The following GIGYF2 variants were observed in gnomAD, a reference collection of about 807,000 sequenced individuals.
GIGYF2 encodes GRB10-interacting GYF protein 2.
In GIGYF2, 25 loss-of-function variants were observed where a neutral mutation model predicts 208.1. The ratio of observed to expected loss-of-function variants is 0.12; its 90% CI spans 0.09 to 0.17. The LOEUF (loss-of-function observed/expected upper bound fraction) is 0.17, where lower values mean the gene tolerates loss of function less well. Ranked by LOEUF, GIGYF2 falls within the 10% of genes least tolerant of loss-of-function variation. The pLI, the probability that GIGYF2 is intolerant of heterozygous loss-of-function variation, is 1.00. For missense variants in GIGYF2, 1,302 were observed against 1,579.4 expected (o/e 0.82, Z 2.98); for synonymous variants, 534 against 543.8 (o/e 0.98, Z 0.25).
chr2:232,783,882 T>G (rs369262093), intron 8 of GIGYF2, among the ~76,000 whole-genome samples: 71 of 152,192 alleles, frequency 4.7e-4, no homozygotes, highest in African/African-American at 1.6e-3. Context: ...GAGACGGGGT[T>G]TCTCCATGTT....
At chr2:232,768,019 G>T in intron 8 of GIGYF2, 1 of 641,766 alleles carries the variant, frequency 1.6e-6, no homozygotes, top group Non-Finnish European at 2.7e-6. Flanking sequence ...AGAGTGTTAT[G>T]TTTCCAGAAT....
At position 232,841,376 on chromosome 2, in the gene GIGYF2, G is replaced by A. The variant is rs371943675; in HGVS notation, c.2889+1405G>A. ...AGTGGCGCGATCTCGGCTCACTGCAGCCTCCACCTCCTGAGTTCAAGTGAT... is the reference window on the plus strand; with the variant it reads ...AGTGGCGCGATCTCGGCTCACTGCAACCTCCACCTCCTGAGTTCAAGTGAT... On this transcript the variant is annotated intron_variant, in intron 23 of 28. Transcript: ENST00000373563. Among the ~76,000 whole-genome samples, 11 of 151,838 alleles carry A rather than the reference G, an allele frequency of 7.2e-5. 1 individual carries two copies. The highest frequency in any genetic ancestry group is 2.7e-4 in the African/African-American group (11 of 41,404).
chr2:232,749,801 A>C (rs1031788887), intron 5 of GIGYF2, among the ~76,000 whole-genome samples: 2 of 152,180 alleles, frequency 1.3e-5, no homozygotes, highest in African/African-American at 4.8e-5. Context: ...AAGTAATAAA[A>C]ATCTTTTCAA....
chr2:232,734,690 G>A (rs1345089819), intron 2 of GIGYF2, among the ~76,000 whole-genome samples: 8 of 152,190 alleles, frequency 5.3e-5, no homozygotes, highest in Non-Finnish European at 1.2e-4. Context: ...GGTGAGGAGA[G>A]TTGTGGCAGA....
chr2:232,830,443 TA>T (rs1701395558), intron 21 of GIGYF2, among the ~76,000 whole-genome samples: 2 of 152,154 alleles, frequency 1.3e-5, no homozygotes. Context: ...ATTTTTTTTT[TA>T]TTGGTAGACT....
At chr2:232,838,811 A>AC (rs1205643268) in intron 22 of GIGYF2, among the ~76,000 whole-genome samples, 1 of 150,528 alleles carries the variant, frequency 6.6e-6, no homozygotes, top group African/African-American at 2.5e-5. Flanking sequence ...TTCCCTCTGC[A>AC]CCCCTCCCCC....
chr2:232,796,142 A>C lies in GIGYF2; in HGVS notation c.1560A>C (p.Arg520Ser). The change falls in exon 14 of 29, where the codon AGA (arginine) becomes AGC (serine). Residue 520 changes from arginine to serine, a missense_variant. Around this residue, in one of 8 missense-constraint regions of GIGYF2, gnomAD observed 69 missense variants for 132.8 expected, o/e 0.52. Coordinates refer to ENST00000373563, the MANE Select transcript of GIGYF2 (RefSeq NM_001103146.3). ...ERLASKLQEH[R>S]AKGVSIPLMH... ...TGGCATCAAAACTGCAAGAGCACAG[A>C]GCTAAAGGAGTGTCGATTCCATTGA... The C allele has an allele frequency of 6.3e-7, 1 of 1,599,248 alleles. No individual in the cohort carries two copies. Among genetic ancestry groups the C allele is most frequent in the Non-Finnish European group, 8.6e-7 (1 of 1,166,480 alleles).
chr2:232,726,752 G>A (rs143765787), intron 2 of GIGYF2, among the ~76,000 whole-genome samples: 1,869 of 152,210 alleles, frequency 0.012, 22 homozygotes, highest in Non-Finnish European at 0.017. Flanking sequence ...GATCTTGCCC[G>A]CTCCATACCT....
intron 14 of GIGYF2, among the ~76,000 whole-genome samples, chr2:232,800,211 T>TTA (rs1700354818): frequency 6.6e-6 from 1 of 152,154 alleles, no homozygotes; most frequent in Non-Finnish European, 1.5e-5. Flanking sequence ...GTATCCAATG[T>TTA]TATATAAAGC....
rs1700930569 is a variant in GIGYF2 at position 232,816,885 on chromosome 2, A to G, written c.2223A>G (p.Arg741=). The G allele has an allele frequency of 1.2e-6, 2 of 1,612,848 alleles. No individual in the cohort carries two copies. Among genetic ancestry groups the G allele is most frequent in the Non-Finnish European group, 1.7e-6 (2 of 1,179,016 alleles). ...KAKAAKLEQE[R]REAEMRAKRE... The stretch of plus-strand genomic sequence containing the variant: ...TGTAATCACAGCTAGAGCAAGAGAG[A>G]AGAGAGGCAGAAATGAGGGCAAAAC... The change falls in exon 20 of 29, where the codon AGA becomes AGG. Residue 741 remains arginine (R), a synonymous_variant. Transcript: ENST00000373563.
intron 27 of GIGYF2, among the ~76,000 whole-genome samples, chr2:232,848,997 AC>A (rs1169326541): frequency 2.0e-5 from 3 of 152,126 alleles, no homozygotes; most frequent in Admixed American, 2.0e-4. Context: ...CATATCCTTT[AC>A]TCCTGTAATT....
intron 2 of GIGYF2, among the ~76,000 whole-genome samples, chr2:232,731,977 A>G (rs1308620538): frequency 6.6e-6 from 1 of 152,254 alleles, no homozygotes; most frequent in African/African-American, 2.4e-5. Context: ...AAATAGAAGT[A>G]AAATAAATTT....
At chr2:232,798,395 C>A (rs1196830402) in intron 14 of GIGYF2, among the ~76,000 whole-genome samples, 1 of 152,156 alleles carries the variant, frequency 6.6e-6, no homozygotes, top group Non-Finnish European at 1.5e-5. Flanking sequence ...TTTGAGGGAA[C>A]ATAAGTGTTC....
At chr2:232,748,706 CTT>C (rs1340976320) in intron 4 of GIGYF2, among the ~76,000 whole-genome samples, 2 of 152,172 alleles carry the variant, frequency 1.3e-5, no homozygotes, top group East Asian at 1.9e-4. Context: ...AATGTAGAGA[CTT>C]TTATTCCTCT....
In GIGYF2 at chr2:232,801,479, C is replaced by G. The variant is rs73102287; in HGVS notation, c.1640-5012C>G. On this transcript the variant is annotated intron_variant, in intron 14 of 28. Transcript: ENST00000373563. ...AGTTGAGGCTGCATTGAGCACAGCA[C>G]TTGGCTTGAGTAACAGAGACCCTGT... Among the ~76,000 whole-genome samples the G allele has an allele frequency of 8.8e-3, 1,336 of 152,222 alleles. 27 individuals are homozygous for G. The highest frequency in any genetic ancestry group is 0.031 in the African/African-American group (1,269 of 41,532).
At chr2:232,763,060 G>C (rs1310759011) in intron 8 of GIGYF2, among the ~76,000 whole-genome samples, 1 of 152,102 alleles carries the variant, frequency 6.6e-6, no homozygotes, top group African/African-American at 2.4e-5. Context: ...AGGAAATTGG[G>C]AACAGACTAG....
chr2:232,733,143 G>C (rs753268540), intron 2 of GIGYF2, among the ~76,000 whole-genome samples: 3 of 151,998 alleles, frequency 2.0e-5, no homozygotes, highest in Admixed American at 6.6e-5. Context: ...TGTAGTCCCA[G>C]CTACTCGGGA....
intron 2 of GIGYF2, among the ~76,000 whole-genome samples, chr2:232,710,379 C>T (rs1696334745): frequency 6.6e-6 from 1 of 152,142 alleles, no homozygotes. Context: ...TATCAGCTAC[C>T]ATACCAGCCA....
In GIGYF2 at chr2:232,791,176, G is replaced by T. The variant is rs762749731; in HGVS notation, c.1093+6G>T. ...AACAGATAGAGTAGGAGTTGGTAAG[G>T]CCTCTTCTTGCCCTTTGCCTTTTTT... is the stretch of plus-strand genomic sequence containing the variant. On this transcript the variant is annotated splice_donor_region_variant and intron_variant, in intron 11 of 28. Coordinates refer to ENST00000373563, the MANE Select transcript of GIGYF2 (RefSeq NM_001103146.3). 6.8e-6 allele frequency: 11 copies of T among 1,613,948 alleles called. No homozygotes were observed. In the South Asian group the frequency reaches 7.7e-5, roughly 11 times the overall value.
Sources: allele counts gnomAD v4.1 joint callset (sites outside exome capture counted in the v4.1 genomes callset), GRCh38; gene constraint gnomAD v4.1.1; regional missense constraint gnomAD v4.1.1; transcripts MANE v1.5; gene names NCBI Gene and HGNC (gene_info 2026-07-23, HGNC 2026-07-21).